The following MYO9B variants were observed in gnomAD, a reference collection of about 807,000 sequenced individuals.
The protein encoded by MYO9B is myosin IXB.
Under a neutral mutation model 229.5 loss-of-function variants are expected in MYO9B, and 71 were observed. The observed-to-expected ratio is 0.31, with a 90% CI of 0.26 to 0.38. The LOEUF (loss-of-function observed/expected upper bound fraction) is 0.38. Ranked by LOEUF, MYO9B falls within the 10% of genes least tolerant of loss-of-function variation. The probability of loss-of-function intolerance (pLI) is 1.00; values close to 1 mark genes in which losing one functional copy is unlikely to be tolerated. For synonymous variants in MYO9B, 1,185 were observed against 1,235.8 expected, an observed-to-expected ratio of 0.96 and a Z score of 0.86; for missense variants, 2,255 against 2,920.5, an observed-to-expected ratio of 0.77 and a Z score of 5.25.
rs762583073 is a variant in MYO9B, at chr19:17,169,802, C to CTTTT, written c.1793+1764_1793+1767dup. ...TCATTCATCTCAATCCTGTCTCCTC[C>CTTTT]TTTTTTTTTTTTTTTTTTTTTTTTT... On this transcript the variant is annotated intron_variant, in intron 11 of 39. Transcript: ENST00000682292. 2.3e-4 allele frequency among the ~76,000 whole-genome samples: 24 copies of CTTTT among 106,592 alleles called. 2 individuals are homozygous for CTTTT. Among genetic ancestry groups the CTTTT allele is most frequent in the South Asian group, 8.5e-4 (3 of 3,516 alleles). The allele number at this position is 106,592 out of a possible 152,430, so 69.9% of individuals were successfully genotyped here.
intron 2 of MYO9B, among the ~76,000 whole-genome samples, chr19:17,125,344 G>T (rs1426423805): frequency 7.3e-6 from 1 of 136,426 alleles, no homozygotes; most frequent in Non-Finnish European, 1.5e-5. Flanking sequence ...GGGGAAATAT[G>T]ATAAATTCTT....
At chr19:17,152,980 T>C (rs1228674928) in intron 4 of MYO9B, among the ~76,000 whole-genome samples, 1 of 152,062 alleles carries the variant, frequency 6.6e-6, no homozygotes, top group African/African-American at 2.4e-5. Flanking sequence ...AAAATATACT[T>C]AGATTGGAAA....
At chr19:17,083,645 CTTTT>C (rs5827358) in intron 1 of MYO9B, among the ~76,000 whole-genome samples, 5 of 121,226 alleles carry the variant, frequency 4.1e-5, no homozygotes, top group Non-Finnish European at 3.3e-5. Context: ...ATGCTGCCCT[CTTTT>C]TTTTTTTTTT....
intron 1 of MYO9B, among the ~76,000 whole-genome samples, chr19:17,089,344 T>C (rs2057614973): frequency 6.6e-6 from 1 of 152,232 alleles, no homozygotes. Flanking sequence ...TGCTGCACGA[T>C]GCATCCTAAA....
At chr19:17,180,266 G>A (rs1025802097) in intron 14 of MYO9B, among the ~76,000 whole-genome samples, 1 of 134,022 alleles carries the variant, frequency 7.5e-6, no homozygotes, top group African/African-American at 3.0e-5. Context: ...ATCCCCAAAG[G>A]CTCTTAAATA....
intron 1 of MYO9B, among the ~76,000 whole-genome samples, chr19:17,076,390 A>G (rs2057484403): frequency 6.6e-6 from 1 of 152,060 alleles, no homozygotes; most frequent in African/African-American, 2.4e-5. Flanking sequence ...GGGGTTCTGA[A>G]CTAACTGATG....
chr19:17,206,924 G>A (rs1257867311), intron 34 of MYO9B, 140 bp downstream of exon 34: 28 of 1,216,312 alleles, frequency 2.3e-5, no homozygotes, highest in Non-Finnish European at 3.1e-5. Context: ...GGTTCTGGGA[G>A]GGGGCCAGGC....
chr19:17,086,302 A>T (rs1300202125), intron 1 of MYO9B, among the ~76,000 whole-genome samples: 1 of 151,838 alleles, frequency 6.6e-6, no homozygotes, highest in African/African-American at 2.4e-5. Flanking sequence ...TTGTTCTCAG[A>T]CCCACTCTGG....
intron 2 of MYO9B, among the ~76,000 whole-genome samples, chr19:17,141,225 G>A (rs2072335064): frequency 6.6e-6 from 1 of 152,020 alleles, no homozygotes; most frequent in Non-Finnish European, 1.5e-5. Flanking sequence ...TGTGTCTCCG[G>A]TTTCCGCCTC....
At chr19:17,199,518 T>C (rs1327974838) in intron 24 of MYO9B, among the ~76,000 whole-genome samples, 1 of 151,968 alleles carries the variant, frequency 6.6e-6, no homozygotes, top group Admixed American at 6.6e-5. Flanking sequence ...TGTTTGTTTT[T>C]TTTTTGAGAC....
chr19:17,182,546 G>A (rs1473914366), intron 15 of MYO9B, among the ~76,000 whole-genome samples: 1 of 151,898 alleles, frequency 6.6e-6, no homozygotes, highest in Non-Finnish European at 1.5e-5. Context: ...TGGGATTACA[G>A]GTGTGCACCA....
chr19:17,137,571 G>C (rs889673381), intron 2 of MYO9B, among the ~76,000 whole-genome samples: 1 of 152,098 alleles, frequency 6.6e-6, no homozygotes, highest in African/African-American at 2.4e-5. Flanking sequence ...CGTGCCCCAT[G>C]ATCTTGAGCT....
intron 28 of MYO9B, among the ~76,000 whole-genome samples, chr19:17,202,613 C>T (rs11878389): frequency 0.017 from 2,630 of 152,292 alleles, 73 homozygotes; most frequent in African/African-American, 0.06. Context: ...TATACCATGC[C>T]GTGCCCATTT....
chr19:17,132,055 T>A (rs2072203456), intron 2 of MYO9B, among the ~76,000 whole-genome samples: 1 of 151,386 alleles, frequency 6.6e-6, no homozygotes, highest in African/African-American at 2.4e-5. Flanking sequence ...ATTTTTTTCT[T>A]TTTTGTAGAC....
chr19:17,162,075 G>T (rs1019530094), intron 8 of MYO9B, among the ~76,000 whole-genome samples: 1 of 151,832 alleles, frequency 6.6e-6, no homozygotes, highest in African/African-American at 2.4e-5. Context: ...GGAGGTCAAG[G>T]CAGGCAGATC....
intron 7 of MYO9B, chr19:17,157,583 A>T (rs1277577407): frequency 6.3e-6 from 1 of 159,518 alleles, no homozygotes; most frequent in African/African-American, 2.4e-5. Flanking sequence ...CAAACAAAAA[A>T]AAACTACAGC....
chr19:17,092,758 GT>G (rs1289612843), intron 1 of MYO9B, among the ~76,000 whole-genome samples: 2 of 146,032 alleles, frequency 1.4e-5, no homozygotes, highest in African/African-American at 5.0e-5. Context: ...TTGCACATAT[GT>G]TTTTTCATAC....
Position 17,150,587 on chromosome 19 carries a change from T to C in MYO9B, c.936-2057T>C. 1.4e-5 allele frequency among the ~76,000 whole-genome samples: 2 copies of C among 142,112 alleles called. 1 individual carries two copies. Among genetic ancestry groups the C allele is most frequent in the Non-Finnish European group, 3.2e-5 (2 of 62,010 alleles). The allele number at this position is 142,112 out of a possible 152,430, so 93.2% of individuals were successfully genotyped here. A position where few individuals can be genotyped will look rare whatever the true frequency, so the allele number is the denominator to read the frequency against. ...CCCAGTGAGCTCACATGTCTGGTGA[T>C]GGCGGACCCTGTGATAGACCGGCCC... On this transcript the variant is annotated intron_variant, in intron 3 of 39. Coordinates refer to ENST00000682292, the MANE Select transcript of MYO9B (RefSeq NM_004145.4).
intron 14 of MYO9B, among the ~76,000 whole-genome samples, chr19:17,179,559 T>G (rs546543138): frequency 2.0e-5 from 3 of 150,698 alleles, no homozygotes; most frequent in African/African-American, 7.3e-5. Context: ...CCGGAGTGAC[T>G]GGGACTACAG....
Sources: allele counts gnomAD v4.1 joint callset (sites outside exome capture counted in the v4.1 genomes callset), GRCh38; gene constraint gnomAD v4.1.1; transcripts MANE v1.5; gene names NCBI Gene and HGNC (gene_info 2026-07-23, HGNC 2026-07-21).